The following AUTS2 variants were observed in gnomAD, a reference collection of about 807,000 sequenced individuals.
AUTS2 encodes activator of transcription and developmental regulator AUTS2, also known as autism susceptibility gene 2 protein.
AUTS2 carries 17 observed loss-of-function variants against 112.4 expected under a neutral mutation model. The observed-to-expected ratio is 0.15, with a 90% CI of 0.10 to 0.23. The LOEUF (loss-of-function observed/expected upper bound fraction) is 0.23, where lower values mean the gene tolerates loss of function less well. Ranked by LOEUF, AUTS2 falls within the 10% of genes least tolerant of loss-of-function variation. The pLI is 1.00. For missense variants in AUTS2, 1,510 were observed against 1,701.6 expected (o/e 0.89, Z 1.98); for synonymous variants, 751 against 702.7 (o/e 1.07, Z -1.09).
chr7:70,504,804 A>G (rs1229992167), intron 5 of AUTS2, among the ~76,000 whole-genome samples: 5 of 152,172 alleles, frequency 3.3e-5, no homozygotes, highest in African/African-American at 7.2e-5. Flanking sequence ...GTCAGGAAGG[A>G]TGAGGCATGT....
chr7:70,098,768 T>C (rs982567889), intron 2 of AUTS2, among the ~76,000 whole-genome samples: 6 of 151,672 alleles, frequency 4.0e-5, no homozygotes, highest in African/African-American at 1.5e-4. Context: ...AATGTCACAA[T>C]CTCGGCTCAC....
intron 2 of AUTS2, among the ~76,000 whole-genome samples, chr7:70,003,303 TTA>T (rs1799310219): frequency 7.6e-6 from 1 of 132,398 alleles, no homozygotes; most frequent in African/African-American, 2.8e-5. Context: ...TATGAATATA[TTA>T]TATATGAATA....
chr7:70,112,560 T>A (rs889838939), intron 2 of AUTS2, among the ~76,000 whole-genome samples: 2 of 152,078 alleles, frequency 1.3e-5, no homozygotes, highest in East Asian at 3.8e-4. Flanking sequence ...TTTTGCTTTC[T>A]TTTATTATTT....
intron 4 of AUTS2, among the ~76,000 whole-genome samples, chr7:70,267,641 C>T (rs1272815832): frequency 6.6e-6 from 1 of 152,168 alleles, no homozygotes; most frequent in Non-Finnish European, 1.5e-5. Context: ...ATGAATGATC[C>T]TCTGTCATGC....
chr7:69,625,211 A>G lies in AUTS2; in HGVS notation c.309+25249A>G, dbSNP rs117129786. Among the ~76,000 whole-genome samples the G allele has an allele frequency of 5.1e-4, 78 of 152,330 alleles. 2 individuals carry two copies. The East Asian group carries it at 0.013, about 26-fold the overall frequency. On this transcript the variant is annotated intron_variant, in intron 1 of 18. Transcript: ENST00000342771. ...CGGACTCAGAAAGGTCTTTCAAATT[A>G]GCTTGCCTCTCTTTTATAGGAAAAG...
At chr7:69,913,842 C>T (rs1795456875) in intron 2 of AUTS2, among the ~76,000 whole-genome samples, 2 of 152,174 alleles carry the variant, frequency 1.3e-5, no homozygotes, top group Admixed American at 6.5e-5. Flanking sequence ...CTGGCTCCAG[C>T]TCCCGACCTT....
chr7:69,825,671 A>G (rs1351835288), intron 1 of AUTS2: 1 of 152,006 alleles, frequency 6.6e-6, no homozygotes, highest in African/African-American at 2.4e-5. Context: ...ATGACTAAAT[A>G]ATGGAATGGA....
chr7:70,021,804 G>T (rs910034516), intron 2 of AUTS2, among the ~76,000 whole-genome samples: 3 of 152,086 alleles, frequency 2.0e-5, no homozygotes, highest in Non-Finnish European at 4.4e-5. Flanking sequence ...ACAGCCTTCA[G>T]CATTGCTTTG....
chr7:69,947,079 A>G (rs1796844261), intron 2 of AUTS2, among the ~76,000 whole-genome samples: 1 of 152,220 alleles, frequency 6.6e-6, no homozygotes, highest in African/African-American at 2.4e-5. Context: ...TTGTCGTTAC[A>G]GATGCTCCGT....
intron 1 of AUTS2, among the ~76,000 whole-genome samples, chr7:69,830,883 G>A (rs1243257839): frequency 6.6e-6 from 1 of 152,140 alleles, no homozygotes; most frequent in South Asian, 2.1e-4. Context: ...GGAGAGTTTC[G>A]AAGGTGACTT....
intron 5 of AUTS2, among the ~76,000 whole-genome samples, chr7:70,521,077 A>G (rs3094905): frequency 0.97 from 147,050 of 152,260 alleles, 71,057 homozygotes; most frequent in East Asian, 1. Context: ...CTGTCTCTCC[A>G]TGCCTAGCAA....
At chr7:70,584,877 G>A (rs1433002453) in intron 5 of AUTS2, among the ~76,000 whole-genome samples, 1 of 152,254 alleles carries the variant, frequency 6.6e-6, no homozygotes, top group African/African-American at 2.4e-5. Flanking sequence ...TGGCACACAG[G>A]TGGAAGCCTG....
intron 2 of AUTS2, among the ~76,000 whole-genome samples, chr7:70,063,490 T>C (rs1377312508): frequency 6.6e-6 from 1 of 152,200 alleles, no homozygotes; most frequent in Non-Finnish European, 1.5e-5. Flanking sequence ...GGGCGAGTTA[T>C]TTAACTTCTC....
intron 1 of AUTS2, among the ~76,000 whole-genome samples, chr7:69,760,514 T>C (rs541149829): frequency 6.6e-6 from 1 of 152,258 alleles, no homozygotes; most frequent in Non-Finnish European, 1.5e-5. Context: ...TACAAAGAGC[T>C]GCTGCCCATT....
chr7:70,431,720 G>A (rs1321245269), intron 4 of AUTS2, among the ~76,000 whole-genome samples: 1 of 152,186 alleles, frequency 6.6e-6, no homozygotes, highest in Non-Finnish European at 1.5e-5. Flanking sequence ...AAGATTGGGT[G>A]GGTTGGTTTG....
intron 6 of AUTS2, among the ~76,000 whole-genome samples, chr7:70,730,133 C>T (rs1336154180): frequency 2.0e-5 from 3 of 152,174 alleles, no homozygotes; most frequent in Middle Eastern, 3.4e-3. Context: ...CCGCCTACCT[C>T]GGCCTCCCAA....
chr7:70,342,646 AG>A (rs1791319105), intron 4 of AUTS2, among the ~76,000 whole-genome samples: 1 of 152,188 alleles, frequency 6.6e-6, no homozygotes, highest in Non-Finnish European at 1.5e-5. Context: ...AAATTTAAAT[AG>A]ACCCATGTGG....
intron 2 of AUTS2, among the ~76,000 whole-genome samples, chr7:70,052,533 G>A (rs1471498595): frequency 6.6e-6 from 1 of 152,170 alleles, no homozygotes; most frequent in Non-Finnish European, 1.5e-5. Flanking sequence ...AAGGTGGCTG[G>A]CTGAGGTAGC....
chr7:70,233,749 A>G (rs1419264862), intron 4 of AUTS2, among the ~76,000 whole-genome samples: 1 of 152,172 alleles, frequency 6.6e-6, no homozygotes, highest in Non-Finnish European at 1.5e-5. Context: ...GTTTTAGACT[A>G]TGGAGAGAAG....
Sources: allele counts gnomAD v4.1 joint callset (sites outside exome capture counted in the v4.1 genomes callset), GRCh38; gene constraint gnomAD v4.1.1; transcripts MANE v1.5; gene names NCBI Gene and HGNC (gene_info 2026-07-23, HGNC 2026-07-21).